TEX11: variants seen among roughly 807,000 people sequenced by gnomAD.
TEX11 encodes the protein testis expressed 11.
TEX11 carries 7 observed loss-of-function variants against 84.4 expected under a neutral mutation model. The ratio of observed to expected loss-of-function variants is 0.08; its 90% CI spans 0.05 to 0.16. The LOEUF (loss-of-function observed/expected upper bound fraction) is 0.16. TEX11 is among the 10% of genes least tolerant of loss of function. The pLI, the probability that TEX11 is intolerant of heterozygous loss-of-function variation, is 1.00. For missense variants in TEX11, 551 were observed against 660.5 expected, an observed-to-expected ratio of 0.83 and a Z score of 1.82; for synonymous variants, 264 against 222.8, an observed-to-expected ratio of 1.18 and a Z score of -1.64.
chrX:70,801,113 C>T (rs1269915753), intron 9 of TEX11, among the ~76,000 whole-genome samples: 1 of 110,976 alleles, frequency 9.0e-6, no homozygotes, highest in Non-Finnish European at 1.9e-5. Context: ...CTCACTAGTC[C>T]AAAGGTTTTC....
chrX:70,645,909 TAA>T (rs1192999442), intron 17 of TEX11, among the ~76,000 whole-genome samples: 1 of 103,209 alleles, frequency 9.7e-6, no homozygotes, highest in Non-Finnish European at 2.0e-5. Context: ...TTCCCAGAAA[TAA>T]AAAAAAAAAT....
intron 25 of TEX11, among the ~76,000 whole-genome samples, chrX:70,562,638 C>T (rs1268121856): frequency 8.9e-6 from 1 of 112,028 alleles, no homozygotes; most frequent in Non-Finnish European, 1.9e-5. Flanking sequence ...AGTCTGAATT[C>T]CATCTGGGAT....
chrX:70,728,020 C>A (rs777549869), intron 11 of TEX11, among the ~76,000 whole-genome samples: 2 of 112,762 alleles, frequency 1.8e-5, no homozygotes, highest in Non-Finnish European at 3.7e-5. Context: ...CATAATGTAT[C>A]TAAGTTCTTC....
the TEX11 span, among the ~76,000 whole-genome samples, chrX:70,512,710 G>GATGA: frequency 6.6e-4 from 72 of 109,258 alleles, 5 homozygotes; most frequent in South Asian, 1.6e-3. Context: ...TGAATGGACA[G>GATGA]ATGAATGAAT....
intron 14 of TEX11, among the ~76,000 whole-genome samples, chrX:70,679,359 A>C (rs1344684812): frequency 9.4e-6 from 1 of 106,003 alleles, no homozygotes; most frequent in Admixed American, 1.0e-4. Flanking sequence ...CCCGGCCACC[A>C]CCCCGTCTGG....
intron 2 of TEX11, among the ~76,000 whole-genome samples, chrX:70,887,458 T>C (rs1166297921): frequency 8.9e-6 from 1 of 111,736 alleles, no homozygotes; most frequent in Non-Finnish European, 1.9e-5. Flanking sequence ...GGGCCTGTAG[T>C]GGTGGGCATA....
intron 2 of TEX11, among the ~76,000 whole-genome samples, chrX:70,899,845 TAAAAAAA>T (rs746225121): frequency 3.3e-5 from 1 of 30,600 alleles, no homozygotes; most frequent in Admixed American, 5.2e-4. Context: ...GGTCCTGTAT[TAAAAAAA>T]AAAAAAAAAA....
intron 18 of TEX11, among the ~76,000 whole-genome samples, chrX:70,626,900 C>A (rs965170210): frequency 9.0e-6 from 1 of 111,599 alleles, no homozygotes; most frequent in African/African-American, 3.3e-5. Flanking sequence ...TAATTTGACA[C>A]TGAGAATGGT....
chrX:70,831,998 C>T (rs927210597), intron 8 of TEX11, among the ~76,000 whole-genome samples: 1 of 111,155 alleles, frequency 9.0e-6, no homozygotes, highest in African/African-American at 3.3e-5. Context: ...GTATCACTCA[C>T]GAAATGATAC....
At chrX:70,726,384 T>G (rs2090599817) in intron 11 of TEX11, among the ~76,000 whole-genome samples, 1 of 111,917 alleles carries the variant, frequency 8.9e-6, no homozygotes, top group African/African-American at 3.2e-5. Flanking sequence ...CCGTATATTG[T>G]CCATCCTTAT....
At position 70,829,777 on chromosome X, in the gene TEX11, T is replaced by C. The variant is rs1010138340; in HGVS notation, c.606+3736A>G. Among the ~76,000 whole-genome samples the C allele has an allele frequency of 2.7e-5, 3 of 109,549 alleles. No homozygotes were observed. The East Asian group carries it at 8.5e-4, about 31-fold the overall frequency. ...TGTTAATACAATCAGTGTTACACTG[T>C]CATCAATTTAAAATAATGGATTATA... is the stretch of plus-strand genomic sequence containing the variant. On this transcript the variant is annotated intron_variant, in intron 8 of 29. Transcript: ENST00000374333.
chrX:70,906,907 G>A (rs975357676), intron 2 of TEX11, among the ~76,000 whole-genome samples: 1 of 112,250 alleles, frequency 8.9e-6, no homozygotes, highest in Non-Finnish European at 1.9e-5. Context: ...TTATATGAAT[G>A]TGAAGGTACC....
chrX:70,573,418 G>C (rs1326607758), intron 25 of TEX11, among the ~76,000 whole-genome samples: 1 of 111,691 alleles, frequency 9.0e-6, no homozygotes, highest in African/African-American at 3.3e-5. Context: ...CCTAAACTCA[G>C]GTTCTCCTAT....
intron 27 of TEX11, among the ~76,000 whole-genome samples, chrX:70,552,915 C>T (rs1238428468): frequency 9.0e-6 from 1 of 111,104 alleles, no homozygotes; most frequent in Non-Finnish European, 1.9e-5. Context: ...CATCACGAGA[C>T]CCCATCTCTA....
chrX:70,812,514 T>TAA (rs1406450230), intron 8 of TEX11, among the ~76,000 whole-genome samples: 4 of 111,446 alleles, frequency 3.6e-5, no homozygotes, highest in African/African-American at 1.3e-4. Context: ...GCCCTTGAAT[T>TAA]AATTTTTGCA....
rs192041567 is a variant in TEX11 at position 70,784,572 on chromosome X, T to C, written c.692+22133A>G. ...TTTGCAGGTGACATGATTGTATATTTAGAAAACCCCATCATCTCTGCCCAA... is the reference window on the plus strand; with the variant it reads ...TTTGCAGGTGACATGATTGTATATTCAGAAAACCCCATCATCTCTGCCCAA... On this transcript the variant is annotated intron_variant, in intron 9 of 29. Transcript: ENST00000374333. Among the ~76,000 whole-genome samples the C allele has an allele frequency of 1.5e-4, 17 of 111,704 alleles. No homozygotes were observed. In the Admixed American group the frequency reaches 1.5e-3, roughly 10 times the overall value.
intron 15 of TEX11, among the ~76,000 whole-genome samples, chrX:70,678,385 C>T (rs936535621): frequency 1.5e-4 from 16 of 109,753 alleles, no homozygotes; most frequent in African/African-American, 5.3e-4. Context: ...AGGAAATATA[C>T]CAAAATTATA....
chrX:70,753,456 C>T (rs1009972728), intron 9 of TEX11, among the ~76,000 whole-genome samples: 2 of 81,209 alleles, frequency 2.5e-5, no homozygotes, highest in African/African-American at 7.5e-5. Context: ...CTTTCAGATC[C>T]TAGCTCCTGA....
intron 5 of TEX11, among the ~76,000 whole-genome samples, chrX:70,859,675 A>G (rs945052858): frequency 9.0e-6 from 1 of 110,730 alleles, no homozygotes; most frequent in East Asian, 2.8e-4. Flanking sequence ...TTAATTTTAC[A>G]TAAACATACA....
Sources: allele counts gnomAD v4.1 joint callset (sites outside exome capture counted in the v4.1 genomes callset), GRCh38; gene constraint gnomAD v4.1.1; transcripts MANE v1.5; gene names NCBI Gene and HGNC (gene_info 2026-07-23, HGNC 2026-07-21).